Variants in FBXW8 observed in about 807,000 individuals in gnomAD.
FBXW8 encodes F-box/WD repeat-containing protein 8.
FBXW8 carries 57 observed loss-of-function variants against 65.3 expected under a neutral mutation model. The observed-to-expected ratio is 0.87, with a 90% CI of 0.71 to 1.09. FBXW8 has a LOEUF of 1.09. Ranked by LOEUF, FBXW8 falls within the 50% of genes least tolerant of loss-of-function variation. The pLI, the probability that FBXW8 is intolerant of heterozygous loss-of-function variation, is 0.00. For missense variants in FBXW8, 777 were observed against 814.8 expected (o/e 0.95, Z 0.57); for synonymous variants, 308 against 330.2 (o/e 0.93, Z 0.73).
chr12:116,972,234 C>G (rs767830758), intron 5 of FBXW8, among the ~76,000 whole-genome samples: 4 of 152,114 alleles, frequency 2.6e-5, no homozygotes, highest in Non-Finnish European at 5.9e-5. Flanking sequence ...CACAAGGTAG[C>G]TTTGGGGAGA....
At chr12:116,988,979 G>C in intron 7 of FBXW8, 110 bp downstream of exon 7, 3 of 997,052 alleles carry the variant, frequency 3.0e-6, no homozygotes. Flanking sequence ...TATCAGGCCA[G>C]TATATAAGCA....
intron 7 of FBXW8, among the ~76,000 whole-genome samples, chr12:116,994,452 T>C (rs1216889613): frequency 2.0e-5 from 3 of 152,148 alleles, no homozygotes; most frequent in Non-Finnish European, 2.9e-5. Flanking sequence ...GAAGGAAGGG[T>C]ATGTGGTGGG....
chr12:116,951,705 C>G (rs569152925), intron 4 of FBXW8, among the ~76,000 whole-genome samples: 12 of 152,260 alleles, frequency 7.9e-5, no homozygotes, highest in Admixed American at 5.9e-4. Context: ...TGTAAATATT[C>G]CTAGTTTGGG....
chr12:117,026,070 C>T (rs1274577097), intron 9 of FBXW8, among the ~76,000 whole-genome samples: 1 of 152,248 alleles, frequency 6.6e-6, no homozygotes, highest in Non-Finnish European at 1.5e-5. Context: ...GCCTCACCTG[C>T]AGTGCCTGCT....
At chr12:116,990,669 ACAGTTG>A (rs1376375089) in intron 7 of FBXW8, among the ~76,000 whole-genome samples, 2 of 152,206 alleles carry the variant, frequency 1.3e-5, no homozygotes, top group Admixed American at 1.3e-4. Flanking sequence ...CTGTAGTAAT[ACAGTTG>A]TAATGGATAC....
intron 8 of FBXW8, among the ~76,000 whole-genome samples, chr12:117,012,400 G>A (rs1953844283): frequency 6.6e-6 from 1 of 152,142 alleles, no homozygotes; most frequent in Admixed American, 6.5e-5. Flanking sequence ...CTAGAGTAGT[G>A]CCAGCTGTGT....
intron 8 of FBXW8, 23 bp from the exon 9 acceptor site, chr12:117,024,124 C>CT (rs1162319461): frequency 6.2e-7 from 1 of 1,606,666 alleles, no homozygotes; most frequent in African/African-American, 1.3e-5. Context: ...TTTCCCTTCT[C>CT]TGCTCTTCCT....
chr12:116,955,996 G>A (rs939830785), intron 4 of FBXW8, among the ~76,000 whole-genome samples: 3 of 152,138 alleles, frequency 2.0e-5, no homozygotes, highest in African/African-American at 7.2e-5. Context: ...GTATGATGGT[G>A]TTTTGCAATA....
At chr12:116,965,132 A>G (rs985677075) in intron 5 of FBXW8, among the ~76,000 whole-genome samples, 10 of 152,244 alleles carry the variant, frequency 6.6e-5, no homozygotes, top group Non-Finnish European at 1.2e-4. Flanking sequence ...AGGCTGGCCA[A>G]AGCATCTTAA....
At chr12:117,011,108 T>G (rs1953795517) in intron 8 of FBXW8, among the ~76,000 whole-genome samples, 1 of 150,664 alleles carries the variant, frequency 6.6e-6, no homozygotes, top group South Asian at 2.1e-4. Context: ...GCCTCTTCTT[T>G]CCTTGTTTTT....
intron 1 of FBXW8, among the ~76,000 whole-genome samples, chr12:116,912,737 A>T (rs989579525): frequency 6.6e-6 from 1 of 152,194 alleles, no homozygotes; most frequent in Non-Finnish European, 1.5e-5. Flanking sequence ...TGCTGGGATT[A>T]CAGGCGTGAG....
intron 4 of FBXW8, chr12:116,949,926 C>G: frequency 1.9e-6 from 1 of 516,708 alleles, no homozygotes; most frequent in South Asian, 2.8e-5. Flanking sequence ...GATCTGTGAT[C>G]CATTTGTCTC....
intron 2 of FBXW8, among the ~76,000 whole-genome samples, chr12:116,944,137 C>T (rs1882778355): frequency 6.6e-6 from 1 of 152,208 alleles, no homozygotes; most frequent in Admixed American, 6.5e-5. Context: ...AATTAGCACA[C>T]ATTAAAACAA....
intron 8 of FBXW8, among the ~76,000 whole-genome samples, chr12:117,016,747 G>A (rs963714144): frequency 6.6e-6 from 1 of 151,736 alleles, no homozygotes; most frequent in African/African-American, 2.4e-5. Flanking sequence ...TTTCTTCAAA[G>A]GGTTTTATAG....
intron 3 of FBXW8, among the ~76,000 whole-genome samples, chr12:116,947,771 AT>A: frequency 6.6e-6 from 1 of 151,186 alleles, no homozygotes; most frequent in Admixed American, 6.6e-5. Flanking sequence ...AAAGAAAGAA[AT>A]GAAAGGCAGT....
chr12:116,953,784 A>T (rs1374935272), intron 4 of FBXW8, among the ~76,000 whole-genome samples: 2 of 148,942 alleles, frequency 1.3e-5, no homozygotes, highest in Non-Finnish European at 3.0e-5. Context: ...AAAAAAAAAG[A>T]CAAAAAAACA....
rs558362585 is a variant in FBXW8, at chr12:116,924,118, T to G, written c.319-3905T>G. Among the ~76,000 whole-genome samples the G allele has an allele frequency of 2.6e-5, 4 of 151,620 alleles. No individual in the cohort carries two copies. The South Asian group carries it at 8.4e-4, about 32-fold the overall frequency. On this transcript the variant is annotated intron_variant, in intron 1 of 10. Coordinates refer to ENST00000652555, the MANE Select transcript of FBXW8 (RefSeq NM_153348.3). ...TGTCTTTAATTCCTTTTCCTTCTTC[T>G]TGGAATATCTTTGTTTCTGAAATGA... is the stretch of plus-strand genomic sequence containing the variant.
At chr12:116,964,115 G>A (rs1006743659) in intron 4 of FBXW8, among the ~76,000 whole-genome samples, 15 of 152,188 alleles carry the variant, frequency 9.9e-5, no homozygotes, top group African/African-American at 1.9e-4. Flanking sequence ...GCAGTGTCGC[G>A]CATTCAGCAA....
chr12:116,963,929 A>C (rs1884148230), intron 4 of FBXW8, among the ~76,000 whole-genome samples: 2 of 152,158 alleles, frequency 1.3e-5, no homozygotes, highest in Non-Finnish European at 2.9e-5. Context: ...ACATAGCTTA[A>C]ATACCTTGGT....
Sources: allele counts gnomAD v4.1 joint callset (sites outside exome capture counted in the v4.1 genomes callset), GRCh38; gene constraint gnomAD v4.1.1; transcripts MANE v1.5; gene names NCBI Gene and HGNC (gene_info 2026-07-23, HGNC 2026-07-21).